The following SHLD2 variants were observed in gnomAD, a reference collection of about 807,000 sequenced individuals.
SHLD2 encodes RINN1-REV7-interacting novel NHEJ regulator 2.
SHLD2 carries 30 observed loss-of-function variants against 73.2 expected under a neutral mutation model. That is an observed-to-expected ratio of 0.41 (90% CI 0.31 to 0.56). The LOEUF is 0.56. Ranked by LOEUF, SHLD2 falls within the 20% of genes least tolerant of loss-of-function variation. SHLD2 has a pLI of 0.28. For synonymous variants in SHLD2, 285 were observed against 370.1 expected (o/e 0.77, Z 2.64); for missense variants, 745 against 1,055.9 (o/e 0.71, Z 4.08).
chr10:87,176,915 T>C (rs1847986418), intron 7 of SHLD2, among the ~76,000 whole-genome samples: 1 of 152,294 alleles, frequency 6.6e-6, no homozygotes, highest in Admixed American at 6.5e-5. Flanking sequence ...ATAGTTTAAA[T>C]TAATAATATT....
At chr10:87,188,797 G>A (rs1331520356) in intron 9 of SHLD2, among the ~76,000 whole-genome samples, 3 of 152,050 alleles carry the variant, frequency 2.0e-5, no homozygotes, top group Non-Finnish European at 4.4e-5. Flanking sequence ...TGGTTCTCAT[G>A]TGTATTCAAG....
intron 4 of SHLD2, 142 bp downstream of exon 4, chr10:87,158,297 G>A: frequency 2.5e-6 from 2 of 801,524 alleles, no homozygotes; most frequent in East Asian, 5.5e-5. Context: ...TAGTAAGAAT[G>A]AAAATAGAAT....
chr10:87,156,184 A>G (rs1846415524), intron 3 of SHLD2, among the ~76,000 whole-genome samples: 1 of 150,718 alleles, frequency 6.6e-6, no homozygotes, highest in East Asian at 2.0e-4. Context: ...CTCCTGCCTC[A>G]GCCTCCCAAG....
chr10:87,147,197 A>C (rs940279210), intron 2 of SHLD2, among the ~76,000 whole-genome samples: 1 of 151,810 alleles, frequency 6.6e-6, no homozygotes, highest in Non-Finnish European at 1.5e-5. Context: ...CTGTGATCCT[A>C]TCAAATATAG....
chr10:87,144,909 C>T (rs1412419852), intron 2 of SHLD2, among the ~76,000 whole-genome samples: 3 of 136,618 alleles, frequency 2.2e-5, no homozygotes, highest in Admixed American at 7.8e-5. Flanking sequence ...TGATTACAGG[C>T]GTGAGCCACT....
At chr10:87,161,532 T>G (rs1195576811) in intron 4 of SHLD2, among the ~76,000 whole-genome samples, 1 of 152,126 alleles carries the variant, frequency 6.6e-6, no homozygotes, top group African/African-American at 2.4e-5. Context: ...TTTACTATAG[T>G]AATAAAGAAG....
chr10:87,099,112 A>C (rs909590279), intron 2 of SHLD2, among the ~76,000 whole-genome samples: 1 of 152,226 alleles, frequency 6.6e-6, no homozygotes, highest in Non-Finnish European at 1.5e-5. Context: ...TTTCCCATTC[A>C]AACGAAGACC....
chr10:87,188,128 C>G (rs1290073677), intron 9 of SHLD2, among the ~76,000 whole-genome samples: 14 of 152,172 alleles, frequency 9.2e-5, no homozygotes, highest in Non-Finnish European at 2.1e-4. Flanking sequence ...TGGGCGGGAG[C>G]AGGGTTGTTC....
chr10:87,099,145 T>A (rs1367299108), intron 2 of SHLD2, among the ~76,000 whole-genome samples: 2 of 152,338 alleles, frequency 1.3e-5, no homozygotes, highest in East Asian at 3.9e-4. Flanking sequence ...GAAGGGAACA[T>A]TCAATAGCAT....
At chr10:87,134,582 TG>T (rs1844665016) in intron 2 of SHLD2, among the ~76,000 whole-genome samples, 1 of 152,140 alleles carries the variant, frequency 6.6e-6, no homozygotes, top group Admixed American at 6.5e-5. Context: ...GCCAAAAGCC[TG>T]GGCCAGTGAC....
rs1239156601 is a variant in SHLD2, at chr10:87,098,565, T to C, written c.-6+1576T>C. Among the ~76,000 whole-genome samples, 3 of 151,776 alleles carry C rather than the reference T, an allele frequency of 2.0e-5. No homozygotes were observed. In the East Asian group the frequency reaches 5.8e-4, roughly 29 times the overall value. On this transcript the variant is annotated intron_variant, in intron 2 of 9. Coordinates refer to ENST00000298786, the MANE Select transcript of SHLD2 (RefSeq NM_001330112.2). ...AGGCCCACAGAAACCAAACAAATTG[T>C]TGATGATCACCAAGCTTGTAAATAG...
chr10:87,140,409 G>A (rs1234273391), intron 2 of SHLD2, among the ~76,000 whole-genome samples: 1 of 122,116 alleles, frequency 8.2e-6, no homozygotes, highest in African/African-American at 3.1e-5. Flanking sequence ...AACAGAGTGA[G>A]AACCTATCTC....
intron 8 of SHLD2, among the ~76,000 whole-genome samples, 171 bp from the exon 9 acceptor site, chr10:87,186,914 A>G (rs1848655817): frequency 1.3e-5 from 2 of 152,076 alleles, no homozygotes; most frequent in African/African-American, 4.8e-5. Flanking sequence ...CTTGGGGAAA[A>G]AAAAAAACCT....
chr10:87,161,642 A>G (rs1846826252), intron 4 of SHLD2, among the ~76,000 whole-genome samples: 2 of 152,206 alleles, frequency 1.3e-5, no homozygotes, highest in African/African-American at 2.4e-5. Context: ...ATGGAAAGAC[A>G]TTCCCTGTTC....
chr10:87,146,632 G>C (rs1845630296), intron 2 of SHLD2, among the ~76,000 whole-genome samples: 1 of 151,420 alleles, frequency 6.6e-6, no homozygotes, highest in South Asian at 2.1e-4. Flanking sequence ...GCTATCATTA[G>C]TGTTAACTGT....
chr10:87,155,859 T>C (rs953371793), intron 3 of SHLD2, among the ~76,000 whole-genome samples: 3 of 152,136 alleles, frequency 2.0e-5, no homozygotes, highest in Non-Finnish European at 2.9e-5. Context: ...ACATTTTTTT[T>C]AAAAATCAGA....
intron 2 of SHLD2, among the ~76,000 whole-genome samples, chr10:87,098,928 G>A (rs61858874): frequency 0.1 from 15,606 of 152,038 alleles, 955 homozygotes; most frequent in Admixed American, 0.15. Context: ...GGCACCTGCC[G>A]CCACTCCCGG....
intron 2 of SHLD2, among the ~76,000 whole-genome samples, chr10:87,133,223 AT>A (rs1204238534): frequency 6.6e-6 from 1 of 151,670 alleles, no homozygotes; most frequent in African/African-American, 2.4e-5. Flanking sequence ...TGCTTCTTTT[AT>A]TTTTTTTATT....
chr10:87,100,918 G>C (rs1842226692), intron 2 of SHLD2, among the ~76,000 whole-genome samples: 1 of 152,114 alleles, frequency 6.6e-6, no homozygotes, highest in Admixed American at 6.5e-5. Flanking sequence ...CTGGAATTTT[G>C]ATAGGGATTA....
Sources: allele counts gnomAD v4.1 joint callset (sites outside exome capture counted in the v4.1 genomes callset), GRCh38; gene constraint gnomAD v4.1.1; transcripts MANE v1.5; gene names NCBI Gene and HGNC (gene_info 2026-07-23, HGNC 2026-07-21).